The following ZNF888 variants were observed in gnomAD, a reference collection of about 807,000 sequenced individuals.
ZNF888 encodes the protein zinc finger protein 888.
ZNF888 carries 5 observed loss-of-function variants against 7.2 expected under a neutral mutation model. The observed-to-expected ratio is 0.70, with a 90% CI of 0.36 to 1.46. The LOEUF (loss-of-function observed/expected upper bound fraction) is 1.46, where lower values mean the gene tolerates loss of function less well. Ranked by LOEUF, ZNF888 falls within the 40% of genes most tolerant of loss-of-function variation. ZNF888 has a pLI of 0.03. For missense variants in ZNF888, 716 were observed against 858.0 expected (o/e 0.83, Z 2.07); for synonymous variants, 240 against 284.3 (o/e 0.84, Z 1.57).
rs774653344 is a variant in ZNF888, at chr19:52,922,476, TCC to T, written c.-178+891_-178+892del. Among the ~76,000 whole-genome samples the T allele has an allele frequency of 6.3e-4, 96 of 152,216 alleles. 1 individual carries two copies. The highest frequency in any genetic ancestry group is 1.0e-3 in the Non-Finnish European group (71 of 68,004). The stretch of plus-strand genomic sequence containing the variant: ...TGAGCCTTTCTGTTTGCTGCCCCTC[TCC>T]CTACCTTGCTGTCTGTCCTTCATCT... On this transcript the variant is annotated intron_variant, in intron 1 of 4. Coordinates refer to ENST00000638862, the MANE Select transcript of ZNF888 (RefSeq NM_001393938.1).
At chr19:52,917,494 T>C (rs1398901691) in intron 3 of ZNF888, 1 of 592,262 alleles carries the variant, frequency 1.7e-6, no homozygotes, top group Non-Finnish European at 3.1e-6. Context: ...CATTAATATG[T>C]GACTTCCATT....
At position 52,907,342 on chromosome 19, in the gene ZNF888, T is replaced by G; in HGVS notation, c.980A>C (p.Lys327Thr). Residue 327 changes from lysine (K) to threonine (T), a missense_variant, in exon 5 of 5, where the codon AAG (lysine) becomes ACG (threonine). Physicochemically the swap from Lys to Thr is moderately conservative, Grantham distance 78 (BLOSUM62 -1). Transcript: ENST00000638862. ...KTIHTGEKPYKCNECGKVFNQ... is the reference protein window; with the variant it reads ...KTIHTGEKPYTCNECGKVFNQ... Reference sequence around the variant, plus strand: ...AAAAACCTTGCCACATTCATTACACTTGTAAGGTTTCTCTCCAGTATGAAT... The same window carrying G: ...AAAAACCTTGCCACATTCATTACACGTGTAAGGTTTCTCTCCAGTATGAAT... 6.2e-7 allele frequency: 1 copy of G among 1,613,634 alleles called. No individual in the cohort carries two copies. Among genetic ancestry groups the G allele is most frequent in the South Asian group, 1.1e-5 (1 of 91,032 alleles).
chr19:52,920,533 G>GA (rs1175516942), intron 1 of ZNF888, among the ~76,000 whole-genome samples: 376 of 24,810 alleles, frequency 0.015, 98 homozygotes, highest in African/African-American at 0.045. Flanking sequence ...AAAAGAAAAG[G>GA]AAAAAAAAAA....
At chr19:52,911,157 G>A (rs971848762) in intron 4 of ZNF888, among the ~76,000 whole-genome samples, 2 of 152,092 alleles carry the variant, frequency 1.3e-5, no homozygotes, top group Admixed American at 1.3e-4. Flanking sequence ...GGAATTACAG[G>A]TGTGAGCAAT....
chr19:52,922,229 T>C (rs1012573184), intron 1 of ZNF888, among the ~76,000 whole-genome samples: 3 of 144,922 alleles, frequency 2.1e-5, no homozygotes, highest in Admixed American at 7.1e-5. Flanking sequence ...ATCTTTAGAT[T>C]GTTCTCAATG....
chr19:52,921,737 G>T, intron 1 of ZNF888: 1 of 694,856 alleles, frequency 1.4e-6, no homozygotes, highest in Non-Finnish European at 1.8e-6. Flanking sequence ...AGACCAGCCT[G>T]ACCTACATGG....
In ZNF888 at chr19:52,907,672, T is replaced by C. The variant is rs1333960290; in HGVS notation, c.650A>G (p.Asn217Ser). 3.7e-6 allele frequency: 6 copies of C among 1,606,634 alleles called. No individual in the cohort carries two copies. The highest frequency in any genetic ancestry group is 4.2e-6 in the Non-Finnish European group (5 of 1,177,140). The change falls in exon 5 of 5, where the codon AAT (asparagine) becomes AGT (serine). Residue 217 changes from asparagine (N) to serine (S), a missense_variant. Coordinates refer to ENST00000638862, the MANE Select transcript of ZNF888 (RefSeq NM_001393938.1). The part of the protein sequence containing the change: ...VHRKEKSFQF[N>S]ESGKSFNCSS... ...ACAATTAAAGGATTTGCCACTCTCA[T>C]TAAATTGGAAAGATTTTTCTTTCCT...
chr19:52,915,562 C>A (rs2064736273), intron 3 of ZNF888, among the ~76,000 whole-genome samples: 5 of 146,418 alleles, frequency 3.4e-5, no homozygotes, highest in Admixed American at 3.4e-4. Flanking sequence ...GCAAGCTCTA[C>A]CTCACAGGTT....
At chr19:52,914,337 A>G (rs1784302423) in intron 4 of ZNF888, 2 of 984,584 alleles carry the variant, frequency 2.0e-6, no homozygotes, top group Non-Finnish European at 2.4e-6. Context: ...CTTTTTTGCT[A>G]TTTTCACTTC....
intron 4 of ZNF888, among the ~76,000 whole-genome samples, chr19:52,908,525 T>G (rs1161790255): frequency 6.6e-6 from 1 of 152,140 alleles, no homozygotes; most frequent in Non-Finnish European, 1.5e-5. Context: ...AAATATATAT[T>G]CTTCATATTT....
chr19:52,907,685 A>T lies in ZNF888; in HGVS notation c.637T>A (p.Ser213Thr). Reference protein sequence around the residue: ...QKQDVHRKEKSFQFNESGKSF... With the variant: ...QKQDVHRKEKTFQFNESGKSF... ...TTGCCACTCTCATTAAATTGGAAAG[A>T]TTTTTCTTTCCTGTGTACATCCTGT... Residue 213 changes from serine to threonine, a missense_variant, in exon 5 of 5, where the codon TCT becomes ACT. Ser to Thr is a moderately conservative substitution (Grantham distance 58, BLOSUM62 1). Transcript: ENST00000638862. 1 of 1,607,078 alleles carries T rather than the reference A, an allele frequency of 6.2e-7. No individual in the cohort carries two copies. The highest frequency in any genetic ancestry group is 1.1e-5 in the South Asian group (1 of 89,730).
At chr19:52,914,963 C>A (rs1235027447) in intron 4 of ZNF888, among the ~76,000 whole-genome samples, 1 of 152,082 alleles carries the variant, frequency 6.6e-6, no homozygotes, top group South Asian at 2.1e-4. Flanking sequence ...GCCCAGCCTG[C>A]CATAAAGTTT....
At position 52,912,269 on chromosome 19, in the gene ZNF888, G is replaced by A. The variant is rs575238439; in HGVS notation, c.142+2927C>T. 4.6e-4 allele frequency among the ~76,000 whole-genome samples: 67 copies of A among 147,042 alleles called. No individual in the cohort carries two copies. In the South Asian group the frequency reaches 5.7e-3, roughly 13 times the overall value. The stretch of plus-strand genomic sequence containing the variant: ...GCTGGGACTACAGGCACCTGCCACC[G>A]CGCCCGGCTAATTTTTTGTATTTTT... On this transcript the variant is annotated intron_variant, in intron 4 of 4. Transcript: ENST00000638862.
chr19:52,916,995 A>G (rs2064759241), intron 3 of ZNF888, among the ~76,000 whole-genome samples: 1 of 152,184 alleles, frequency 6.6e-6, no homozygotes, highest in Non-Finnish European at 1.5e-5. Context: ...TACTGCTCCC[A>G]TATTTGAGAA....
chr19:52,918,485 T>C (rs944799411), intron 2 of ZNF888, among the ~76,000 whole-genome samples: 1 of 152,040 alleles, frequency 6.6e-6, no homozygotes, highest in Admixed American at 6.6e-5. Context: ...AATATAAAAA[T>C]TGGGTCAGGT....
chr19:52,906,495 T>C lies in ZNF888; in HGVS notation c.1827A>G (p.Glu609=). The C allele has an allele frequency of 6.2e-7, 1 of 1,613,396 alleles. No individual in the cohort carries two copies. The change falls in exon 5 of 5, where the codon GAA becomes GAG. Residue 609 remains glutamate (E), a synonymous_variant. Coordinates refer to ENST00000638862, the MANE Select transcript of ZNF888 (RefSeq NM_001393938.1). ...TGATATTGAAAACTTTGTCACATTC[T>C]TCACATTTGTAAGGTTTCTCTCCAG... ...LHTGEKPYKC[E]ECDKVFNIKS... is the part of the protein sequence containing the mutation.
At chr19:52,916,625 T>TATATATATATATATAC in intron 3 of ZNF888, among the ~76,000 whole-genome samples, 1 of 123,788 alleles carries the variant, frequency 8.1e-6, no homozygotes, top group African/African-American at 3.0e-5. Flanking sequence ...CATATATATA[T>TATATATATATATATAC]ATATATATAT....
In ZNF888 at chr19:52,920,082, C is replaced by T. The variant is rs1455893151; in HGVS notation, c.-177-1145G>A. ...GAGGGAGGTTGGGGGGTCAGCCCCC[C>T]GCCCGGCCAGCCGCCCTATCCAGGA... On this transcript the variant is annotated intron_variant, in intron 1 of 4. Transcript: ENST00000638862. Among the ~76,000 whole-genome samples, 5 of 51,154 alleles carry T rather than the reference C, an allele frequency of 9.8e-5. 2 individuals are homozygous for T. Among genetic ancestry groups the T allele is most frequent in the African/African-American group, 2.9e-4 (4 of 14,016 alleles). The allele number at this position is 51,154 out of a possible 152,430, so 33.6% of individuals were successfully genotyped here.
At position 52,907,204 on chromosome 19, in the gene ZNF888, C is replaced by A. The variant is rs1475810612; in HGVS notation, c.1118G>T (p.Arg373Met). The change falls in exon 5 of 5, where the codon AGG (arginine) becomes ATG (methionine). Residue 373 changes from arginine to methionine, a missense_variant. By Grantham distance (91) the Arg-to-Met change is moderately conservative. Around this residue, in one of 2 missense-constraint regions of ZNF888, gnomAD observed 697 missense variants for 803.4 expected, o/e 0.87. Transcript: ENST00000638862. ...FSRKSYLERH[R>M]RIHTGEKPYK... Reference sequence around the variant, plus strand: ...TGGTTTCTCACCAGTGTGAATTCTCCTATGTCTTTCAAGGTATGATTTGCG... The same window carrying A: ...TGGTTTCTCACCAGTGTGAATTCTCATATGTCTTTCAAGGTATGATTTGCG... 2.5e-6 allele frequency: 4 copies of A among 1,612,966 alleles called. No individual in the cohort carries two copies. The African/African-American group carries it at 5.4e-5, about 22-fold the overall frequency.
Sources: allele counts gnomAD v4.1 joint callset (sites outside exome capture counted in the v4.1 genomes callset), GRCh38; gene constraint gnomAD v4.1.1; regional missense constraint gnomAD v4.1.1; transcripts MANE v1.5; gene names NCBI Gene and HGNC (gene_info 2026-07-23, HGNC 2026-07-21).